LYRM4: variants seen among roughly 807,000 people sequenced by gnomAD.
LYRM4 encodes the protein LYR motif containing 4, also known as LYR motif-containing protein 4.
LYRM4 carries 9 observed loss-of-function variants against 11.7 expected under a neutral mutation model. The observed-to-expected ratio is 0.77, with a 90% CI of 0.46 to 1.34. LYRM4 has a LOEUF of 1.34. LYRM4 is among the 40% of genes most tolerant of loss of function. The probability of loss-of-function intolerance (pLI) is 0.00; values close to 1 mark genes in which losing one functional copy is unlikely to be tolerated. For missense variants in LYRM4, 133 were observed against 112.5 expected (o/e 1.18, Z -0.82); for synonymous variants, 42 against 40.4 (o/e 1.04, Z -0.15).
chr6:5,100,139 G>A (rs567904532), downstream of LYRM4, among the ~76,000 whole-genome samples: 1 of 152,286 alleles, frequency 6.6e-6, no homozygotes, highest in Non-Finnish European at 1.5e-5. Context: ...CTTACCTCTT[G>A]CAGGCCTCAA....
At chr6:5,126,942 CAGTGAATAATAT>C (rs1291580766) in intron 2 of LYRM4, among the ~76,000 whole-genome samples, 1 of 152,090 alleles carries the variant, frequency 6.6e-6, no homozygotes, top group East Asian at 1.9e-4. Context: ...TACTAAAAGC[CAGTGAATAATAT>C]ACTTTATTTA....
downstream of LYRM4, chr6:5,103,942 T>G (rs1457303190): frequency 6.6e-6 from 1 of 150,770 alleles, no homozygotes; most frequent in Non-Finnish European, 1.5e-5. Context: ...GGAGGAGATA[T>G]TCTTTAATCT....
chr6:5,151,574 G>A (rs1758091133), intron 2 of LYRM4, among the ~76,000 whole-genome samples: 1 of 152,118 alleles, frequency 6.6e-6, no homozygotes, highest in East Asian at 1.9e-4. Context: ...TGCCCTCGGT[G>A]GCATATGCTA....
chr6:5,177,312 T>C (rs1338821028), intron 2 of LYRM4, among the ~76,000 whole-genome samples: 3 of 152,244 alleles, frequency 2.0e-5, no homozygotes, highest in Non-Finnish European at 4.4e-5. Flanking sequence ...TTCCTAGTAA[T>C]GCAGTAACAG....
intron 2 of LYRM4, among the ~76,000 whole-genome samples, chr6:5,194,487 C>T (rs1229882218): frequency 1.3e-5 from 2 of 152,132 alleles, no homozygotes; most frequent in African/African-American, 4.8e-5. Context: ...CAGAACTGGG[C>T]ATACCTTCTG....
chr6:5,050,188 G>T, the LYRM4 span, among the ~76,000 whole-genome samples: 1 of 152,238 alleles, frequency 6.6e-6, no homozygotes, highest in Non-Finnish European at 1.5e-5. Flanking sequence ...GCAACATCCA[G>T]GGGAAGACTT....
At chr6:5,084,072 C>A in the LYRM4 span, among the ~76,000 whole-genome samples, 1 of 152,132 alleles carries the variant, frequency 6.6e-6, no homozygotes, top group South Asian at 2.1e-4. Flanking sequence ...GAATTTGAGA[C>A]CAACCTGGGC....
intron 2 of LYRM4, among the ~76,000 whole-genome samples, chr6:5,112,424 C>T (rs144189510): frequency 1.3e-4 from 20 of 152,238 alleles, no homozygotes; most frequent in Non-Finnish European, 2.1e-4. Flanking sequence ...GGCTCTGCCG[C>T]GAAGACAGAC....
At chr6:5,227,908 G>A (rs1383453848) in intron 1 of LYRM4, among the ~76,000 whole-genome samples, 3 of 152,086 alleles carry the variant, frequency 2.0e-5, no homozygotes, top group South Asian at 2.1e-4. Context: ...CCACATGTTC[G>A]CACTCGTAAG....
intron 2 of LYRM4, among the ~76,000 whole-genome samples, chr6:5,125,644 C>A (rs1209460294): frequency 6.6e-6 from 1 of 152,208 alleles, no homozygotes; most frequent in South Asian, 2.1e-4. Flanking sequence ...GAGGGAGGCA[C>A]CCCTCCCAGG....
intron 1 of LYRM4, among the ~76,000 whole-genome samples, chr6:5,225,967 T>C (rs1762869472): frequency 6.6e-6 from 1 of 152,226 alleles, no homozygotes; most frequent in Non-Finnish European, 1.5e-5. Context: ...CCCAGGTCTA[T>C]TTGTACTTCT....
At chr6:5,239,118 G>A (rs919920199) in intron 1 of LYRM4, among the ~76,000 whole-genome samples, 1 of 152,204 alleles carries the variant, frequency 6.6e-6, no homozygotes, top group African/African-American at 2.4e-5. Context: ...GGAGGGGGCT[G>A]TACAAAATGC....
At chr6:5,095,142 C>A in the LYRM4 span, among the ~76,000 whole-genome samples, 2 of 152,114 alleles carry the variant, frequency 1.3e-5, no homozygotes, top group Admixed American at 6.5e-5. Context: ...TAAAAGTGAT[C>A]ACTATGTCTA....
chr6:5,226,251 GT>G (rs964562114), intron 1 of LYRM4, among the ~76,000 whole-genome samples: 1 of 152,112 alleles, frequency 6.6e-6, no homozygotes, highest in African/African-American at 2.4e-5. Flanking sequence ...TCATCCATGT[GT>G]TCCTGAGAAC....
intron 1 of LYRM4, among the ~76,000 whole-genome samples, chr6:5,224,256 A>C (rs527247084): frequency 1.3e-5 from 2 of 152,364 alleles, no homozygotes; most frequent in South Asian, 2.1e-4. Context: ...GGCATAAAAC[A>C]ATAACTCACA....
chr6:5,257,978 G>C (rs1357617392), intron 1 of LYRM4, among the ~76,000 whole-genome samples: 1 of 152,196 alleles, frequency 6.6e-6, no homozygotes, highest in Non-Finnish European at 1.5e-5. Context: ...GAAGAGAGTT[G>C]GGAAAACTTT....
chr6:5,140,677 G>A (rs1021217097), intron 2 of LYRM4, among the ~76,000 whole-genome samples: 8 of 152,180 alleles, frequency 5.3e-5, no homozygotes, highest in African/African-American at 1.7e-4. Context: ...AACATGTAAG[G>A]CTTATCATTT....
At chr6:5,199,085 G>C (rs1294444907) in intron 2 of LYRM4, among the ~76,000 whole-genome samples, 2 of 152,132 alleles carry the variant, frequency 1.3e-5, no homozygotes, top group Non-Finnish European at 2.9e-5. Context: ...AAAACATATG[G>C]CCACACAAAA....
At chr6:5,209,655 T>G (rs1229200961) in intron 2 of LYRM4, among the ~76,000 whole-genome samples, 1 of 152,130 alleles carries the variant, frequency 6.6e-6, no homozygotes, top group African/African-American at 2.4e-5. Flanking sequence ...ACCTCATAAT[T>G]CCATGGTAAC....
Sources: gnomAD v4.1 joint callset for allele counts (sites outside exome capture counted in the v4.1 genomes callset) on GRCh38, gnomAD v4.1.1 for gene constraint, MANE v1.5 for transcripts, NCBI Gene and HGNC (gene_info 2026-07-23, HGNC 2026-07-21) for gene names.